Variants in CCDC141 observed in about 807,000 individuals in gnomAD.
The protein encoded by CCDC141 is coiled-coil domain-containing protein 141.
A neutral mutation model predicts 181.0 loss-of-function variants in CCDC141; 168 were observed. The observed-to-expected ratio is 0.93, with a 90% confidence interval of 0.82 to 1.05. The LOEUF is 1.05. CCDC141 is among the 50% of genes least tolerant of loss of function. The probability of loss-of-function intolerance (pLI) is 0.00; values close to 1 mark genes in which losing one functional copy is unlikely to be tolerated. For missense variants in CCDC141, 1,902 were observed against 1,788.5 expected (o/e 1.06, Z -1.14); for synonymous variants, 666 against 642.3 (o/e 1.04, Z -0.56).
chr2:178,989,908 G>A (rs1448101280), intron 2 of CCDC141, among the ~76,000 whole-genome samples: 3 of 150,146 alleles, frequency 2.0e-5, no homozygotes, highest in Non-Finnish European at 4.4e-5. Context: ...GGGAGGCTGA[G>A]GCAGGCGGAT....
chr2:178,900,852 A>G (rs1687652477), intron 8 of CCDC141, among the ~76,000 whole-genome samples: 1 of 152,176 alleles, frequency 6.6e-6, no homozygotes, highest in Non-Finnish European at 1.5e-5. Flanking sequence ...AAAAACAAGT[A>G]CATGAGCAAG....
chr2:179,015,089 T>TATATATATATATAGA (rs2042405741), intron 2 of CCDC141, among the ~76,000 whole-genome samples: 1 of 47,124 alleles, frequency 2.1e-5, no homozygotes, highest in African/African-American at 6.4e-5. Context: ...TATATATATA[T>TATATATATATATAGA]ATATATATAT....
At chr2:179,041,460 T>C (rs2043300125) in intron 2 of CCDC141, among the ~76,000 whole-genome samples, 1 of 151,464 alleles carries the variant, frequency 6.6e-6, no homozygotes, top group Admixed American at 6.6e-5. Flanking sequence ...GTTCATGTCC[T>C]TTGCCTATTA....
intron 8 of CCDC141, among the ~76,000 whole-genome samples, chr2:178,896,171 T>C (rs1687394498): frequency 6.6e-6 from 1 of 152,248 alleles, no homozygotes; most frequent in Non-Finnish European, 1.5e-5. Context: ...TCAGTTCATC[T>C]TGGCTCGAAG....
chr2:178,912,629 C>T (rs1394914256), intron 7 of CCDC141, among the ~76,000 whole-genome samples: 1 of 152,174 alleles, frequency 6.6e-6, no homozygotes, highest in Non-Finnish European at 1.5e-5. Flanking sequence ...TAAATTAAGA[C>T]ATCATCTGTT....
chr2:179,042,654 G>A (rs577521503), intron 2 of CCDC141, among the ~76,000 whole-genome samples: 2 of 152,290 alleles, frequency 1.3e-5, no homozygotes, highest in East Asian at 1.9e-4. Flanking sequence ...AGCCTAAGAA[G>A]TTCTTTGAAA....
intron 2 of CCDC141, among the ~76,000 whole-genome samples, chr2:178,982,798 C>G (rs1020288526): frequency 6.6e-6 from 1 of 152,242 alleles, no homozygotes; most frequent in Non-Finnish European, 1.5e-5. Context: ...TATCCCGCAC[C>G]TGGCTCGGAG....
intron 22 of CCDC141, among the ~76,000 whole-genome samples, chr2:178,841,154 A>T (rs963848105): frequency 6.6e-6 from 1 of 152,210 alleles, no homozygotes; most frequent in Non-Finnish European, 1.5e-5. Flanking sequence ...TATTGATGAA[A>T]ATGTTGAACA....
rs186675460 is a variant in CCDC141 at position 178,980,221 on chromosome 2, G to A, written c.226-1546C>T. 2.0e-4 allele frequency among the ~76,000 whole-genome samples: 31 copies of A among 152,214 alleles called. 1 individual carries two copies. The South Asian group carries it at 2.1e-3, about 10-fold the overall frequency. On this transcript the variant is annotated intron_variant, in intron 2 of 23. Transcript: ENST00000443758. Reference sequence around the variant, plus strand: ...TCAAAATACGCTGGGAGACCGAGGCGGGCAGATCACGAGGTCAAGAGATGG... The same window carrying A: ...TCAAAATACGCTGGGAGACCGAGGCAGGCAGATCACGAGGTCAAGAGATGG...
chr2:178,858,739 T>C (rs1408754989), intron 17 of CCDC141, among the ~76,000 whole-genome samples: 3 of 151,954 alleles, frequency 2.0e-5, no homozygotes, highest in African/African-American at 7.2e-5. Flanking sequence ...TACTTATATA[T>C]AAGAATATAT....
At chr2:178,922,682 A>G (rs1688745400) in intron 6 of CCDC141, among the ~76,000 whole-genome samples, 1 of 152,214 alleles carries the variant, frequency 6.6e-6, no homozygotes, top group Admixed American at 6.5e-5. Context: ...ACAAGAAGAG[A>G]AATACCTGTT....
intron 4 of CCDC141, among the ~76,000 whole-genome samples, chr2:178,963,807 A>T (rs1690506086): frequency 6.6e-6 from 1 of 152,246 alleles, no homozygotes; most frequent in Non-Finnish European, 1.5e-5. Context: ...GTATCTGCTC[A>T]GAATGACGAG....
intron 20 of CCDC141, among the ~76,000 whole-genome samples, 179 bp from the exon 21 acceptor site, chr2:178,850,340 T>C (rs1281500256): frequency 1.3e-5 from 2 of 152,224 alleles, no homozygotes; most frequent in African/African-American, 4.8e-5. Flanking sequence ...CTAGATATTC[T>C]AGGAAAATGA....
chr2:178,891,464 G>C (rs1286014869), intron 8 of CCDC141, among the ~76,000 whole-genome samples: 2 of 152,112 alleles, frequency 1.3e-5, no homozygotes, highest in South Asian at 2.1e-4. Flanking sequence ...GGGGTAGGGA[G>C]TATTTTCTCC....
intron 5 of CCDC141, among the ~76,000 whole-genome samples, chr2:178,960,166 C>T (rs769314484): frequency 5.9e-5 from 9 of 152,080 alleles, no homozygotes; most frequent in Non-Finnish European, 1.2e-4. Context: ...GCCAATAGTG[C>T]CAAGGTTGAG....
intron 2 of CCDC141, among the ~76,000 whole-genome samples, chr2:178,983,156 C>T (rs966497391): frequency 1.3e-5 from 2 of 152,156 alleles, no homozygotes; most frequent in African/African-American, 4.8e-5. Flanking sequence ...GGTCCCTGAC[C>T]CCTGACCCCC....
intron 8 of CCDC141, among the ~76,000 whole-genome samples, chr2:178,898,928 T>C (rs1687544044): frequency 6.6e-6 from 1 of 152,184 alleles, no homozygotes; most frequent in African/African-American, 2.4e-5. Flanking sequence ...AATATTACCT[T>C]TCCAGTTAGT....
chr2:179,041,190 A>T (rs1395597682), intron 2 of CCDC141, among the ~76,000 whole-genome samples: 1 of 151,994 alleles, frequency 6.6e-6, no homozygotes, highest in Non-Finnish European at 1.5e-5. Flanking sequence ...TCCTGCCTCC[A>T]CGCCATTCTC....
downstream of CCDC141, chr2:178,825,221 G>A (rs1229743329): frequency 6.6e-6 from 1 of 152,056 alleles, no homozygotes; most frequent in Non-Finnish European, 1.5e-5. Context: ...GTAATACAGT[G>A]GTTGGCATAT....
Sources: gnomAD v4.1 joint callset for allele counts (sites outside exome capture counted in the v4.1 genomes callset) on GRCh38, gnomAD v4.1.1 for gene constraint, MANE v1.5 for transcripts, NCBI Gene and HGNC (gene_info 2026-07-23, HGNC 2026-07-21) for gene names.